The following PRDM16 variants were observed in gnomAD, a reference collection of about 807,000 sequenced individuals.
PRDM16 encodes the protein histone-lysine N-methyltransferase PRDM16.
In PRDM16, 23 loss-of-function variants were observed where a neutral mutation model predicts 110.6. The ratio of observed to expected loss-of-function variants is 0.21; its 90% CI spans 0.15 to 0.29. The LOEUF is 0.29. PRDM16 is among the 10% of genes least tolerant of loss of function. The pLI is 1.00. For synonymous variants in PRDM16, 799 were observed against 781.8 expected (o/e 1.02, Z -0.37); for missense variants, 1,615 against 1,794.3 (o/e 0.90, Z 1.81).
intron 3 of PRDM16, among the ~76,000 whole-genome samples, chr1:3,310,882 CGT>C (rs556852623): frequency 3.7e-4 from 56 of 149,340 alleles, no homozygotes; most frequent in African/African-American, 1.3e-3. Flanking sequence ...TGTGGGCATG[CGT>C]GTGTGTGAGA....
chr1:3,211,088 A>C (rs1464185377), intron 2 of PRDM16, among the ~76,000 whole-genome samples: 1 of 152,220 alleles, frequency 6.6e-6, no homozygotes, highest in Non-Finnish European at 1.5e-5. Context: ...TTTGCTGATC[A>C]ATTCACCCAC....
At chr1:3,363,444 C>T (rs1048676819) in intron 3 of PRDM16, among the ~76,000 whole-genome samples, 18 of 152,128 alleles carry the variant, frequency 1.2e-4, no homozygotes, top group African/African-American at 4.3e-4. Context: ...TGCTCGGGGC[C>T]GAGGGATCCC....
chr1:3,413,575 C>T (rs931588909), intron 9 of PRDM16, among the ~76,000 whole-genome samples: 7 of 152,178 alleles, frequency 4.6e-5, no homozygotes, highest in Non-Finnish European at 1.0e-4. Context: ...CTCCCCGCTT[C>T]GCCATGCAAG....
rs1437881844 is a variant in PRDM16, at chr1:3,433,734, G to C, written c.3754G>C (p.Gly1252Arg). The C allele has an allele frequency of 1.2e-6, 2 of 1,614,002 alleles. No homozygotes were observed. The highest frequency in any genetic ancestry group is 1.7e-5 in the Admixed American group (1 of 60,032). The change falls in exon 17 of 17, where the codon GGT becomes CGT. Residue 1252 changes from glycine (G) to arginine (R), a missense_variant. Physicochemically the swap from Gly to Arg is moderately radical, Grantham distance 125. This residue lies in a region of PRDM16 where 327 missense variants were observed against 359.3 expected (regional missense o/e 0.91). Coordinates refer to ENST00000270722, the MANE Select transcript of PRDM16 (RefSeq NM_022114.4). ...CACTCCTCTCCACACCCCCTCCCAG[G>C]GTTCTCTGGACGCTTGGTTGAAGGT... is the stretch of plus-strand genomic sequence containing the variant. ...EDTPLHTPSQ[G>R]SLDAWLKVTG...
intron 3 of PRDM16, among the ~76,000 whole-genome samples, chr1:3,267,438 T>A (rs1198834064): frequency 1.3e-5 from 2 of 152,210 alleles, no homozygotes; most frequent in Admixed American, 6.5e-5. Context: ...GTGAGGCTTG[T>A]TTGCACCTGT....
chr1:3,165,601 G>T (rs796809436), intron 1 of PRDM16, among the ~76,000 whole-genome samples: 1,511 of 81,732 alleles, frequency 0.018, 35 homozygotes, highest in Non-Finnish European at 0.023. Context: ...CCAGGGACAG[G>T]GACTCACCTG....
Position 3,438,327 on chromosome 1 carries a change from C to T in PRDM16, c.*4516C>T. ...GTCTGAGACTAGGAGTCCTGAACTG[C>T]TGACGCGAAAGAGGCGCAGTTCCCA... is the stretch of plus-strand genomic sequence containing the variant. On this transcript the variant is annotated 3_prime_UTR_variant, in exon 17 of 17. Coordinates refer to ENST00000270722, the MANE Select transcript of PRDM16 (RefSeq NM_022114.4). 4.9e-6 allele frequency: 1 copy of T among 202,048 alleles called. No individual in the cohort carries two copies. The highest frequency in any genetic ancestry group is 1.0e-5 in the Non-Finnish European group (1 of 98,170). The allele number at this position is 202,048 out of a possible 1,614,324, so 12.5% of individuals were successfully genotyped here.
intron 3 of PRDM16, among the ~76,000 whole-genome samples, chr1:3,376,815 G>A (rs1642998360): frequency 6.7e-6 from 1 of 149,206 alleles, no homozygotes; most frequent in Admixed American, 6.7e-5. Context: ...CAGGCTTGCT[G>A]ACCGCCGACC....
At chr1:3,247,332 A>G (rs972388847) in intron 3 of PRDM16, among the ~76,000 whole-genome samples, 1 of 152,242 alleles carries the variant, frequency 6.6e-6, no homozygotes, top group African/African-American at 2.4e-5. Flanking sequence ...AGCCACGGTT[A>G]GGAATTCTAA....
intron 14 of PRDM16, among the ~76,000 whole-genome samples, chr1:3,429,559 G>C (rs772618112): frequency 6.6e-6 from 1 of 152,196 alleles, no homozygotes; most frequent in African/African-American, 2.4e-5. Flanking sequence ...GTGTCATCGA[G>C]AGGGCACAGG....
In PRDM16 at chr1:3,208,433, CAAG is replaced by C. The variant is rs922434293; in HGVS notation, c.387+21960_387+21962del. ...CTGTAATCCCAGCACTTTGGCAGGC[CAAG>C]GAGGGTGGATCACGAGGTCAGGAGT... On this transcript the variant is annotated intron_variant, in intron 2 of 16. Coordinates refer to ENST00000270722, the MANE Select transcript of PRDM16 (RefSeq NM_022114.4). The surrounding 1 kb of genome is among the most constrained non-coding windows in gnomAD (Gnocchi z 6.1). The C allele has an allele frequency of 6.6e-6, 1 of 152,016 alleles. No homozygotes were observed. The highest frequency in any genetic ancestry group is 2.4e-5 in the African/African-American group (1 of 41,364). 9.4% of individuals were successfully genotyped at this position (152,016 alleles called of 1,614,324 possible).
chr1:3,303,739 G>T (rs961594797), intron 3 of PRDM16, among the ~76,000 whole-genome samples: 1 of 152,244 alleles, frequency 6.6e-6, no homozygotes, highest in Non-Finnish European at 1.5e-5. Context: ...CTTTCGGACC[G>T]CAGCCATCCT....
rs865992527 is a variant in PRDM16, at chr1:3,114,183, A to G, written c.37+44887A>G. On this transcript the variant is annotated intron_variant, in intron 1 of 16. Transcript: ENST00000270722. Reference sequence around the variant, plus strand: ...CACACACGCACACACACGCACACACACGCACACACGCACACGCACGCACAC... The same window carrying G: ...CACACACGCACACACACGCACACACGCGCACACACGCACACGCACGCACAC... Among the ~76,000 whole-genome samples, 42 of 113,940 alleles carry G rather than the reference A, an allele frequency of 3.7e-4. No homozygotes were observed. In the South Asian group the frequency reaches 3.8e-3, roughly 10 times the overall value. 74.7% of individuals were successfully genotyped at this position (113,940 alleles called of 152,430 possible).
intron 3 of PRDM16, among the ~76,000 whole-genome samples, chr1:3,355,716 C>T (rs369379844): frequency 2.6e-4 from 39 of 152,270 alleles, no homozygotes; most frequent in Non-Finnish European, 4.1e-4. Flanking sequence ...AAACTGGGGC[C>T]GGGAGAAGTG....
At position 3,244,284 on chromosome 1, in the gene PRDM16, T is replaced by C. The variant is rs1202346619; in HGVS notation, c.438+147T>C. The C allele has an allele frequency of 5.4e-6, 4 of 744,732 alleles. No homozygotes were observed. The Admixed American group carries it at 8.5e-5, about 16-fold the overall frequency. 46.1% of individuals were successfully genotyped at this position (744,732 alleles called of 1,614,324 possible). A position where few individuals can be genotyped will look rare whatever the true frequency, so the allele number is the denominator to read the frequency against. The stretch of plus-strand genomic sequence containing the variant: ...CCCGAGCAATGTGTTATCTGTGGAC[T>C]GACGTGTGCACAGGACGGTGGCTTT... On this transcript the variant is annotated intron_variant, in intron 3 of 16. Coordinates refer to ENST00000270722, the MANE Select transcript of PRDM16 (RefSeq NM_022114.4). The surrounding 1 kb of genome is among the most constrained non-coding windows in gnomAD (Gnocchi z 4.1).
At chr1:3,168,497 G>A (rs1231186568) in intron 1 of PRDM16, among the ~76,000 whole-genome samples, 1 of 150,608 alleles carries the variant, frequency 6.6e-6, no homozygotes, top group Non-Finnish European at 1.5e-5. Context: ...TTGCTAATGA[G>A]GAAAATCAGG....
intron 2 of PRDM16, among the ~76,000 whole-genome samples, chr1:3,225,567 T>C (rs539728555): frequency 0.045 from 5,531 of 124,130 alleles, 320 homozygotes; most frequent in African/African-American, 0.18. Flanking sequence ...TGTGTGTGTG[T>C]GTGTGTGCGC....
At chr1:3,196,784 C>T (rs1056358204) in intron 2 of PRDM16, among the ~76,000 whole-genome samples, 4 of 152,218 alleles carry the variant, frequency 2.6e-5, no homozygotes, top group East Asian at 1.9e-4. Context: ...GAAAGGGGCC[C>T]GCCCTGAACT....
intron 1 of PRDM16, among the ~76,000 whole-genome samples, chr1:3,123,507 C>T (rs1326746221): frequency 6.6e-6 from 1 of 152,220 alleles, no homozygotes; most frequent in Non-Finnish European, 1.5e-5. Context: ...GCTACATAAA[C>T]ACCTGCCCCA....
Sources: gnomAD v4.1 joint callset for allele counts (sites outside exome capture counted in the v4.1 genomes callset) on GRCh38, gnomAD v4.1.1 for gene constraint, gnomAD v4.1.1 regional missense constraint, Gnocchi (gnomAD v3.1) non-coding constraint, MANE v1.5 for transcripts, NCBI Gene and HGNC (gene_info 2026-07-23, HGNC 2026-07-21) for gene names.